MRAP2: variants seen among roughly 807,000 people sequenced by gnomAD.
The protein encoded by MRAP2 is melanocortin 2 receptor accessory protein 2, also known as melanocortin-2 receptor accessory protein 2.
A neutral mutation model predicts 17.4 loss-of-function variants in MRAP2; 20 were observed. The observed-to-expected ratio is 1.15, with a 90% CI of 0.81 to 1.67. The LOEUF is 1.67. Ranked by LOEUF, MRAP2 falls within the 40% of genes most tolerant of loss-of-function variation. MRAP2 has a pLI of 0.00. For synonymous variants in MRAP2, 96 were observed against 88.4 expected, an observed-to-expected ratio of 1.09 and a Z score of -0.48; for missense variants, 238 against 240.0, an observed-to-expected ratio of 0.99 and a Z score of 0.05.
the MRAP2 span, among the ~76,000 whole-genome samples, chr6:84,104,741 G>T: frequency 6.6e-6 from 1 of 152,104 alleles, no homozygotes; most frequent in Admixed American, 6.5e-5. Flanking sequence ...GGTGGTGGGC[G>T]TCTGTAGTCC....
the MRAP2 span, among the ~76,000 whole-genome samples, chr6:84,139,980 CTT>C: frequency 9.5e-6 from 1 of 104,866 alleles, no homozygotes; most frequent in African/African-American, 1.2e-4. Flanking sequence ...TTTAGACAAA[CTT>C]TGCTGTGGGT....
chr6:84,049,578 A>G (rs75125495), intron 1 of MRAP2, among the ~76,000 whole-genome samples: 1,976 of 152,336 alleles, frequency 0.013, 39 homozygotes, highest in African/African-American at 0.042. Flanking sequence ...CCAGCTGGTG[A>G]AATAAGGGTG....
At chr6:84,101,987 G>A in the MRAP2 span, among the ~76,000 whole-genome samples, 696 of 152,282 alleles carry the variant, frequency 4.6e-3, 8 homozygotes, top group African/African-American at 0.016. Context: ...GTGTAAGTCA[G>A]TGTGTGTGCA....
chr6:84,037,838 G>T (rs573480047), intron 1 of MRAP2, among the ~76,000 whole-genome samples: 4 of 152,126 alleles, frequency 2.6e-5, no homozygotes, highest in African/African-American at 4.8e-5. Flanking sequence ...ACACCTCCCC[G>T]CAAGCAGAGG....
chr6:84,050,460 G>C (rs1032262853), intron 1 of MRAP2, among the ~76,000 whole-genome samples: 70 of 152,296 alleles, frequency 4.6e-4, no homozygotes, highest in Non-Finnish European at 4.3e-4. Flanking sequence ...CATTTTCTGT[G>C]TGGCCCTACC....
the MRAP2 span, among the ~76,000 whole-genome samples, chr6:84,118,679 C>CT: frequency 6.6e-6 from 1 of 152,082 alleles, no homozygotes; most frequent in Non-Finnish European, 1.5e-5. Flanking sequence ...CAGGCAGGCT[C>CT]TACCCTGTTG....
chr6:84,142,062 C>T, the MRAP2 span, among the ~76,000 whole-genome samples: 1 of 151,928 alleles, frequency 6.6e-6, no homozygotes, highest in Non-Finnish European at 1.5e-5. Context: ...ACATTTGAGA[C>T]TAAAGAAAAA....
chr6:84,122,852 C>T, the MRAP2 span, among the ~76,000 whole-genome samples: 2,103 of 152,144 alleles, frequency 0.014, 44 homozygotes, highest in African/African-American at 0.048. Flanking sequence ...CCAGAAGACT[C>T]GTAGACTTGA....
intron 3 of MRAP2, among the ~76,000 whole-genome samples, chr6:84,073,086 C>A (rs1167325061): frequency 6.6e-6 from 1 of 152,134 alleles, no homozygotes; most frequent in Non-Finnish European, 1.5e-5. Context: ...GAATTCTGGC[C>A]AGGAGGCTTC....
intron 2 of MRAP2, among the ~76,000 whole-genome samples, chr6:84,057,867 A>G (rs2099492097): frequency 6.6e-6 from 1 of 152,152 alleles, no homozygotes; most frequent in African/African-American, 2.4e-5. Context: ...CGAAAGCCTT[A>G]CTGAGAAGGA....
At position 84,090,086 on chromosome 6, in the gene MRAP2, C is replaced by A. The variant is rs1328942826; in HGVS notation, c.*605C>A. The A allele has an allele frequency of 6.5e-6, 1 of 153,192 alleles. No homozygotes were observed. Among genetic ancestry groups the A allele is most frequent in the African/African-American group, 2.4e-5 (1 of 41,442 alleles). 9.5% of individuals were successfully genotyped at this position (153,192 alleles called of 1,614,324 possible). A position where few individuals can be genotyped will look rare whatever the true frequency, so the allele number is the denominator to read the frequency against. ...TGAGTTGCTTTACCTCTCTGGGCTGCCCCATTTTTAACTGTAGGTTGACAG... is the reference window on the plus strand; with the variant it reads ...TGAGTTGCTTTACCTCTCTGGGCTGACCCATTTTTAACTGTAGGTTGACAG... On this transcript the variant is annotated 3_prime_UTR_variant, in exon 4 of 4. Transcript: ENST00000257776.
At chr6:84,095,375 T>G (rs2480200), downstream of MRAP2, among the ~76,000 whole-genome samples, 2 of 152,080 alleles carry the variant, frequency 1.3e-5, no homozygotes, top group Admixed American at 1.3e-4. Flanking sequence ...CCTGCTCACT[T>G]TACATGCAGA....
At position 84,066,604 on chromosome 6, in the gene MRAP2, AT is replaced by A. The variant is rs956432608; in HGVS notation, c.227+3620del. On this transcript the variant is annotated intron_variant, in intron 3 of 3. Coordinates refer to ENST00000257776, the MANE Select transcript of MRAP2 (RefSeq NM_138409.4). ...TACAACATTGAAAATAATAAGAGCC[AT>A]TTTTTTTGATTCCAGGGTCAACTAA... Among the ~76,000 whole-genome samples the A allele has an allele frequency of 2.6e-5, 4 of 152,064 alleles. 1 individual carries two copies. In the South Asian group the frequency reaches 6.2e-4, roughly 24 times the overall value.
At chr6:84,082,508 A>G (rs1156422654) in intron 3 of MRAP2, among the ~76,000 whole-genome samples, 1 of 152,164 alleles carries the variant, frequency 6.6e-6, no homozygotes, top group African/African-American at 2.4e-5. Flanking sequence ...TAGAACAAAA[A>G]TTTACTACAC....
At chr6:84,051,619 A>G (rs1383666123) in intron 1 of MRAP2, among the ~76,000 whole-genome samples, 2 of 152,168 alleles carry the variant, frequency 1.3e-5, no homozygotes, top group African/African-American at 4.8e-5. Flanking sequence ...GCACTTTGGG[A>G]GGCTGGGGCA....
At chr6:84,081,247 T>TA (rs1355400919) in intron 3 of MRAP2, among the ~76,000 whole-genome samples, 1 of 152,230 alleles carries the variant, frequency 6.6e-6, no homozygotes, top group Admixed American at 6.5e-5. Context: ...CTCATTATGA[T>TA]ATGGAGTCTT....
chr6:84,092,303 G>A (rs1275316029), downstream of MRAP2, among the ~76,000 whole-genome samples: 1 of 152,050 alleles, frequency 6.6e-6, no homozygotes, highest in African/African-American at 2.4e-5. Context: ...GACATGCTTG[G>A]GGAACCATTA....
At chr6:84,136,136 G>T in the MRAP2 span, among the ~76,000 whole-genome samples, 1 of 152,288 alleles carries the variant, frequency 6.6e-6, no homozygotes, top group African/African-American at 2.4e-5. Context: ...GGTAAATTCT[G>T]ATCAGTTTTA....
At chr6:84,046,641 C>T (rs1381158979) in intron 1 of MRAP2, among the ~76,000 whole-genome samples, 4 of 151,694 alleles carry the variant, frequency 2.6e-5, no homozygotes, top group African/African-American at 9.7e-5. Context: ...GTTAGTTGGG[C>T]GTGGTGGCAC....
Sources: gnomAD v4.1 joint callset for allele counts (sites outside exome capture counted in the v4.1 genomes callset) on GRCh38, gnomAD v4.1.1 for gene constraint, MANE v1.5 for transcripts, NCBI Gene and HGNC (gene_info 2026-07-23, HGNC 2026-07-21) for gene names.